Variants in CD8B observed in about 807,000 individuals in gnomAD.
CD8B encodes CD8 subunit beta.
CD8B carries 6 observed loss-of-function variants against 24.2 expected under a neutral mutation model. The observed-to-expected ratio is 0.25, with a 90% CI of 0.14 to 0.49. The LOEUF (loss-of-function observed/expected upper bound fraction) is 0.49, where lower values mean the gene tolerates loss of function less well. Among genes scored for constraint, CD8B ranks in the 20% least tolerant of loss-of-function variants. The pLI, the probability that CD8B is intolerant of heterozygous loss-of-function variation, is 0.98. For missense variants in CD8B, 196 were observed against 271.3 expected (o/e 0.72, Z 1.95); for synonymous variants, 84 against 108.3 (o/e 0.78, Z 1.39).
chr2:86,848,390 C>T (rs1475314042), intron 3 of CD8B, among the ~76,000 whole-genome samples: 1 of 152,174 alleles, frequency 6.6e-6, no homozygotes, highest in Non-Finnish European at 1.5e-5. Flanking sequence ...GATTTTTCTT[C>T]TACGAGTTGA....
At position 86,858,259 on chromosome 2, in the gene CD8B, G is replaced by C. The variant is rs752467151; in HGVS notation, c.201C>G (p.His67Gln). 4.3e-6 allele frequency: 7 copies of C among 1,613,910 alleles called. No individual in the cohort carries two copies. In the South Asian group the frequency reaches 7.7e-5, roughly 18 times the overall value. Residue 67 changes from histidine to glutamine, a missense_variant, in exon 2 of 6, where the codon CAC (histidine) becomes CAG (glutamine). Coordinates refer to ENST00000390655, the MANE Select transcript of CD8B (RefSeq NM_004931.5). Reference protein sequence around the residue: ...QRQAPSSDSHHEFLALWDSAK... With the variant: ...QRQAPSSDSHQEFLALWDSAK... Reference sequence around the variant, plus strand: ...CGGAATCCCAGAGGGCCAGGAACTCGTGGTGACTGTCACTGCTCGGTGCCT... The same window carrying C: ...CGGAATCCCAGAGGGCCAGGAACTCCTGGTGACTGTCACTGCTCGGTGCCT...
At chr2:86,821,301 A>G (rs1055110820) in intron 5 of CD8B, among the ~76,000 whole-genome samples, 7 of 152,130 alleles carry the variant, frequency 4.6e-5, no homozygotes, top group Admixed American at 3.3e-4. Flanking sequence ...TTTCGGATTT[A>G]TCAAATGTGG....
intron 5 of CD8B, among the ~76,000 whole-genome samples, chr2:86,823,785 A>C (rs1674572872): frequency 6.6e-6 from 1 of 152,168 alleles, no homozygotes; most frequent in Non-Finnish European, 1.5e-5. Flanking sequence ...AGAGATAACA[A>C]AGAAAAACAC....
chr2:86,834,638 A>G (rs1253725429), downstream of CD8B, among the ~76,000 whole-genome samples: 1 of 152,090 alleles, frequency 6.6e-6, no homozygotes, highest in African/African-American at 2.4e-5. Flanking sequence ...GGAAAAATTT[A>G]TAAGACAGAC....
rs565194190 is a variant in CD8B at position 86,840,931 on chromosome 2, G to A, written c.*1376C>T. Among the ~76,000 whole-genome samples, 1 of 152,170 alleles carries A rather than the reference G, an allele frequency of 6.6e-6. No individual in the cohort carries two copies. The highest frequency in any genetic ancestry group is 1.9e-4 in the East Asian group (1 of 5,168). ...TTTGTAACATTTCTTACATTCTGTGGTTGTCACAGGTAACTGAACATAACC... is the reference window on the plus strand; with the variant it reads ...TTTGTAACATTTCTTACATTCTGTGATTGTCACAGGTAACTGAACATAACC... On this transcript the variant is annotated 3_prime_UTR_variant, in exon 6 of 6. Coordinates refer to ENST00000390655, the MANE Select transcript of CD8B (RefSeq NM_004931.5).
intron 1 of CD8B, among the ~76,000 whole-genome samples, chr2:86,858,828 C>CT (rs1249598956): frequency 6.6e-6 from 1 of 151,550 alleles, no homozygotes; most frequent in East Asian, 1.9e-4. Flanking sequence ...ACACTTCAGC[C>CT]TTGACCTCCT....
At chr2:86,844,790 G>T in intron 5 of CD8B, 132 bp downstream of exon 5, 1 of 1,540,624 alleles carries the variant, frequency 6.5e-7, no homozygotes, top group Non-Finnish European at 8.8e-7. Context: ...CTACAGGTGT[G>T]CACTACTATG....
chr2:86,844,374 G>A (rs901162219), intron 5 of CD8B, among the ~76,000 whole-genome samples: 2 of 151,570 alleles, frequency 1.3e-5, no homozygotes, highest in African/African-American at 4.9e-5. Flanking sequence ...CTTCAAATCC[G>A]ATTCCAGTAG....
chr2:86,835,697 C>G (rs1234956680), downstream of CD8B, among the ~76,000 whole-genome samples: 1 of 151,216 alleles, frequency 6.6e-6, no homozygotes, highest in African/African-American at 2.4e-5. Context: ...ATCTTCCCCT[C>G]GTAACTTTGC....
At chr2:86,816,642 A>G (rs1046396946) in intron 5 of CD8B, among the ~76,000 whole-genome samples, 1 of 152,252 alleles carries the variant, frequency 6.6e-6, no homozygotes, top group Non-Finnish European at 1.5e-5. Context: ...TTCGATCATT[A>G]GTGCTGTGAC....
intron 5 of CD8B, among the ~76,000 whole-genome samples, chr2:86,832,393 G>T (rs1674936528): frequency 6.6e-6 from 1 of 151,824 alleles, no homozygotes; most frequent in Non-Finnish European, 1.5e-5. Flanking sequence ...CGGGAGAATC[G>T]CATGAACCCG....
chr2:86,854,814 A>T (rs542850354), intron 2 of CD8B, among the ~76,000 whole-genome samples: 1 of 152,056 alleles, frequency 6.6e-6, no homozygotes, highest in Non-Finnish European at 1.5e-5. Context: ...CAGAAAAAAA[A>T]AAAAGAAAAG....
At chr2:86,832,963 T>TCCTCCCCTCCCCTCCCCTCC (rs1253032209) in intron 5 of CD8B, 1 of 60,980 alleles carries the variant, frequency 1.6e-5, no homozygotes, top group African/African-American at 1.2e-4. Context: ...CCCTCCCCTC[T>TCCTCCCCTCCCCTCCCCTCC]CCTCCCCTCC....
At chr2:86,858,824 C>T (rs915413437) in intron 1 of CD8B, among the ~76,000 whole-genome samples, 17 of 151,458 alleles carry the variant, frequency 1.1e-4, no homozygotes, top group Non-Finnish European at 2.1e-4. Flanking sequence ...TAGTACACTT[C>T]AGCCTTGACC....
In CD8B at chr2:86,858,140, T is replaced by C. The variant is rs775661607; in HGVS notation, c.320A>G (p.Lys107Arg). ...GAAGTAGATGCCACTGTCTTCCGGC[T>C]TCACGCTTGTGAGATTGAGAATGAA... The part of the protein sequence containing the change: ...SRFILNLTSV[K>R]PEDSGIYFCM... Residue 107 changes from lysine (K) to arginine (R), a missense_variant, in exon 2 of 6, where the codon AAG becomes AGG. Lys to Arg is a conservative substitution (Grantham distance 26). Coordinates refer to ENST00000390655, the MANE Select transcript of CD8B (RefSeq NM_004931.5). 10 of 1,614,018 alleles carry C rather than the reference T, an allele frequency of 6.2e-6. No individual in the cohort carries two copies. In the East Asian group the frequency reaches 2.2e-4, roughly 36 times the overall value.
chr2:86,821,114 T>C (rs1375247315), intron 5 of CD8B, among the ~76,000 whole-genome samples: 2 of 151,700 alleles, frequency 1.3e-5, no homozygotes, highest in Admixed American at 1.3e-4. Flanking sequence ...TCTTTTTATA[T>C]AGGTACTCTT....
At chr2:86,831,359 G>A (rs1674899485) in intron 5 of CD8B, among the ~76,000 whole-genome samples, 2 of 152,146 alleles carry the variant, frequency 1.3e-5, no homozygotes, top group Non-Finnish European at 2.9e-5. Context: ...GAGCCACCAT[G>A]CCTGGCTTCT....
chr2:86,829,121 A>G (rs1388122071), intron 5 of CD8B, among the ~76,000 whole-genome samples: 1 of 58,142 alleles, frequency 1.7e-5, no homozygotes, highest in Non-Finnish European at 4.2e-5. Context: ...TTTTTTTGAG[A>G]CGGAGTCTTG....
chr2:86,844,228 T>A (rs10189173), intron 5 of CD8B, among the ~76,000 whole-genome samples: 1 of 149,394 alleles, frequency 6.7e-6, no homozygotes, highest in Non-Finnish European at 1.5e-5. Context: ...AAGTACAGGC[T>A]CTTTCTCAGC....
Sources: gnomAD v4.1 joint callset for allele counts (sites outside exome capture counted in the v4.1 genomes callset) on GRCh38, gnomAD v4.1.1 for gene constraint, MANE v1.5 for transcripts, NCBI Gene and HGNC (gene_info 2026-07-23, HGNC 2026-07-21) for gene names.